Variants in ARFGAP3 observed in about 807,000 individuals in gnomAD.
ARFGAP3 encodes ARF GTPase activating protein 3, also known as ADP-ribosylation factor GTPase-activating protein 3.
In ARFGAP3, 72 loss-of-function variants were observed where a neutral mutation model predicts 75.0. That is an observed-to-expected ratio of 0.96 (90% CI 0.79 to 1.17). The LOEUF (loss-of-function observed/expected upper bound fraction) is 1.17. Among genes scored for constraint, ARFGAP3 ranks in the 50% most tolerant of loss-of-function variants. ARFGAP3 has a pLI of 0.00. For missense variants in ARFGAP3, 620 were observed against 626.6 expected (o/e 0.99, Z 0.11); for synonymous variants, 221 against 217.9 (o/e 1.01, Z -0.13).
At chr22:42,802,900 C>A (rs1924943536) in intron 14 of ARFGAP3, among the ~76,000 whole-genome samples, 1 of 152,128 alleles carries the variant, frequency 6.6e-6, no homozygotes, top group Non-Finnish European at 1.5e-5. Flanking sequence ...ACACCTGGCC[C>A]AAAATAAGAA....
At chr22:42,806,957 C>T (rs929121948) in intron 14 of ARFGAP3, 116 bp downstream of exon 14, 2 of 1,048,790 alleles carry the variant, frequency 1.9e-6, no homozygotes, top group African/African-American at 3.2e-5. Flanking sequence ...TAGCAGAGAT[C>T]AGAGCATCGA....
At chr22:42,841,309 A>C (rs1926770971) in intron 2 of ARFGAP3, among the ~76,000 whole-genome samples, 1 of 152,130 alleles carries the variant, frequency 6.6e-6, no homozygotes, top group East Asian at 1.9e-4. Context: ...GTTGGATATG[A>C]TTTGAAATTT....
chr22:42,810,882 T>G lies in ARFGAP3; in HGVS notation c.1127A>C (p.Asp376Ala). The change falls in exon 12 of 16, where the codon GAT becomes GCT. Residue 376 changes from aspartate to alanine, a missense_variant. Asp to Ala is a moderately radical substitution (Grantham distance 126, BLOSUM62 -2). Coordinates refer to ENST00000263245, the MANE Select transcript of ARFGAP3 (RefSeq NM_014570.5). ...SSFSSWDDSS[D>A]SYWKKETSKD... ...GCTGGTCTCTTTTTTCCAATAGGAA[T>G]CTGAACTGTCATCCCAGCTAGAGAA... is the stretch of plus-strand genomic sequence containing the variant. 6.2e-7 allele frequency: 1 copy of G among 1,614,222 alleles called. No individual in the cohort carries two copies. Among genetic ancestry groups the G allele is most frequent in the Non-Finnish European group, 8.5e-7 (1 of 1,180,034 alleles).
chr22:42,807,241 G>A, intron 13 of ARFGAP3, 78 bp from the exon 14 acceptor site: 1 of 1,508,662 alleles, frequency 6.6e-7, no homozygotes, highest in Non-Finnish European at 8.9e-7. Context: ...CTGAAGAGCT[G>A]TCATTTGAAA....
intron 13 of ARFGAP3, among the ~76,000 whole-genome samples, chr22:42,808,135 C>T (rs1016401729): frequency 1.3e-5 from 2 of 151,920 alleles, no homozygotes; most frequent in Non-Finnish European, 2.9e-5. Context: ...TGGTGGCTCA[C>T]GCCTGTAATA....
chr22:42,842,047 C>T (rs1342183333), intron 2 of ARFGAP3, among the ~76,000 whole-genome samples: 2 of 144,032 alleles, frequency 1.4e-5, no homozygotes, highest in African/African-American at 5.2e-5. Flanking sequence ...CGGAGTTGCC[C>T]CGGCTGGAGT....
Position 42,851,560 on chromosome 22 carries a change from G to A in ARFGAP3, c.70-3928C>T, listed in dbSNP as rs562036719. On this transcript the variant is annotated intron_variant, in intron 1 of 15. Transcript: ENST00000263245. ...GCACATGGTGGAGCAGTTTATAGGG[G>A]TAGAGGAGCTAACAAGTGGAGACTG... Among the ~76,000 whole-genome samples the A allele has an allele frequency of 2.6e-4, 39 of 152,366 alleles. 1 individual carries two copies. The South Asian group carries it at 8.1e-3, about 32-fold the overall frequency.
chr22:42,805,800 G>A (rs1330363315), intron 14 of ARFGAP3, among the ~76,000 whole-genome samples: 1 of 152,226 alleles, frequency 6.6e-6, no homozygotes, highest in Non-Finnish European at 1.5e-5. Flanking sequence ...ATGTGCCGGG[G>A]CTTGTCCACT....
At chr22:42,828,980 T>C (rs1179996498) in intron 6 of ARFGAP3, among the ~76,000 whole-genome samples, 1 of 152,176 alleles carries the variant, frequency 6.6e-6, no homozygotes, top group Non-Finnish European at 1.5e-5. Flanking sequence ...CCACTGTGCC[T>C]GGCCTCAAAG....
intron 8 of ARFGAP3, among the ~76,000 whole-genome samples, chr22:42,822,970 C>T (rs571686341): frequency 4.6e-5 from 7 of 152,048 alleles, no homozygotes; most frequent in Non-Finnish European, 7.4e-5. Flanking sequence ...CCACCAAATC[C>T]GGCTACTTTT....
intron 9 of ARFGAP3, among the ~76,000 whole-genome samples, chr22:42,821,167 T>C (rs1039905064): frequency 6.6e-6 from 1 of 152,252 alleles, no homozygotes; most frequent in Non-Finnish European, 1.5e-5. Context: ...TCTTCCATCA[T>C]GTATTTAGAA....
At chr22:42,828,367 G>A (rs1186507820) in intron 6 of ARFGAP3, among the ~76,000 whole-genome samples, 4 of 151,874 alleles carry the variant, frequency 2.6e-5, no homozygotes, top group African/African-American at 9.7e-5. Flanking sequence ...GACCAGCCTG[G>A]CCAACATGGT....
intron 11 of ARFGAP3, among the ~76,000 whole-genome samples, chr22:42,816,127 C>CA (rs975396762): frequency 1.1e-4 from 16 of 152,008 alleles, no homozygotes; most frequent in African/African-American, 3.9e-4. Flanking sequence ...AACAAACAAA[C>CA]AAACAAAAAA....
intron 6 of ARFGAP3, among the ~76,000 whole-genome samples, chr22:42,827,613 G>A (rs1286426474): frequency 2.6e-5 from 4 of 152,154 alleles, no homozygotes; most frequent in Non-Finnish European, 5.9e-5. Flanking sequence ...TGGTCCACCC[G>A]CCTTGGCCTC....
intron 2 of ARFGAP3, 167 bp from the exon 3 acceptor site, chr22:42,841,183 T>C (rs1412187228): frequency 1.1e-6 from 1 of 890,490 alleles, no homozygotes; most frequent in Non-Finnish European, 1.3e-6. Context: ...GAGTGGATGA[T>C]GGTTGGCGTG....
chr22:42,825,583 G>A (rs185357001), intron 7 of ARFGAP3, among the ~76,000 whole-genome samples: 160 of 151,750 alleles, frequency 1.1e-3, no homozygotes, highest in Non-Finnish European at 1.8e-3. Context: ...GCTGAGGCAC[G>A]AGAATCGCTT....
chr22:42,814,419 C>T (rs144980343), intron 11 of ARFGAP3, among the ~76,000 whole-genome samples: 43 of 152,274 alleles, frequency 2.8e-4, no homozygotes, highest in African/African-American at 9.4e-4. Flanking sequence ...ATCTGCAGGT[C>T]GTGATAAACA....
rs747575058 is a variant in ARFGAP3, at chr22:42,838,372, A to G, written c.261+2572T>C. On this transcript the variant is annotated intron_variant, in intron 3 of 15. Transcript: ENST00000263245. ...GAGTGTAATGGCATGATCACAGCTC[A>G]GTGCAGCCTTGAACTCCTGGGCTCA... Among the ~76,000 whole-genome samples the G allele has an allele frequency of 4.3e-4, 64 of 148,450 alleles. 1 individual carries two copies. The highest frequency in any genetic ancestry group is 1.8e-3 in the Admixed American group (27 of 14,626).
At position 42,823,648 on chromosome 22, in the gene ARFGAP3, A is replaced by G. The variant is rs1301326095; in HGVS notation, c.672+8T>C. 2 of 1,553,992 alleles carry G rather than the reference A, an allele frequency of 1.3e-6. No individual in the cohort carries two copies. Among genetic ancestry groups the G allele is most frequent in the Non-Finnish European group, 1.8e-6 (2 of 1,142,790 alleles). On this transcript the variant is annotated splice_region_variant and intron_variant, in intron 8 of 15. Coordinates refer to ENST00000263245, the MANE Select transcript of ARFGAP3 (RefSeq NM_014570.5). ...CAGATTTTTATATATAAAGTACATAATACTCACGCCTTTTTTAGCTTGATT... is the reference window on the plus strand; with the variant it reads ...CAGATTTTTATATATAAAGTACATAGTACTCACGCCTTTTTTAGCTTGATT...
Sources: allele counts gnomAD v4.1 joint callset (sites outside exome capture counted in the v4.1 genomes callset), GRCh38; gene constraint gnomAD v4.1.1; transcripts MANE v1.5; gene names NCBI Gene and HGNC (gene_info 2026-07-23, HGNC 2026-07-21).